The following STXBP4 variants were observed in gnomAD, a reference collection of about 807,000 sequenced individuals.
The protein encoded by STXBP4 is syntaxin-binding protein 4.
A neutral mutation model predicts 76.1 loss-of-function variants in STXBP4; 55 were observed. That is an observed-to-expected ratio of 0.72 (90% CI 0.58 to 0.91). The LOEUF (loss-of-function observed/expected upper bound fraction) is 0.91, where lower values mean the gene tolerates loss of function less well. STXBP4 is among the 40% of genes least tolerant of loss of function. STXBP4 has a pLI of 0.00. For missense variants in STXBP4, 618 were observed against 636.9 expected (o/e 0.97, Z 0.32); for synonymous variants, 201 against 220.2 (o/e 0.91, Z 0.77).
At chr17:55,125,607 T>A (rs563455113) in intron 16 of STXBP4, among the ~76,000 whole-genome samples, 1 of 152,116 alleles carries the variant, frequency 6.6e-6, no homozygotes, top group East Asian at 1.9e-4. Context: ...TTGTCCTACT[T>A]TTAGATTGTT....
At position 55,023,561 on chromosome 17, in the gene STXBP4, A is replaced by C. The variant is rs531169690; in HGVS notation, c.667-7607A>C. ...GGACAATTTGTGGTGTTGTTTTGGC[A>C]CTCAAAAAGTTTTGGATTTGGGAGC... On this transcript the variant is annotated intron_variant, in intron 8 of 17. Coordinates refer to ENST00000376352, the MANE Select transcript of STXBP4 (RefSeq NM_178509.6). 2.9e-4 allele frequency among the ~76,000 whole-genome samples: 44 copies of C among 152,292 alleles called. 1 individual carries two copies. Among genetic ancestry groups the C allele is most frequent in the Middle Eastern group, 6.8e-3 (2 of 294 alleles).
intron 17 of STXBP4, among the ~76,000 whole-genome samples, chr17:55,141,636 C>A (rs898325072): frequency 6.6e-6 from 1 of 152,058 alleles, no homozygotes; most frequent in African/African-American, 2.4e-5. Flanking sequence ...TGCCTAAATT[C>A]ACTTGCTGGC....
chr17:55,209,762 A>G, the STXBP4 span, among the ~76,000 whole-genome samples: 14 of 152,294 alleles, frequency 9.2e-5, no homozygotes, highest in African/African-American at 3.4e-4. Flanking sequence ...CCCAGGTCAC[A>G]TCATGGGCTG....
chr17:55,168,839 A>G lies in STXBP4; in HGVS notation c.*8928A>G, dbSNP rs936422768. ...CCCTGTCTTAGACATCCATTCTACA[A>G]CTCTGATGCTGGCACATTTTTTATC... On this transcript the variant is annotated 3_prime_UTR_variant, in exon 18 of 18. Transcript: ENST00000376352. The G allele has an allele frequency of 1.3e-5, 2 of 152,158 alleles. No homozygotes were observed. The highest frequency in any genetic ancestry group is 2.9e-5 in the Non-Finnish European group (2 of 68,024). 9.4% of individuals were successfully genotyped at this position (152,158 alleles called of 1,614,324 possible). A position where few individuals can be genotyped will look rare whatever the true frequency, so the allele number is the denominator to read the frequency against.
chr17:55,185,257 C>CCTT, the STXBP4 span, among the ~76,000 whole-genome samples: 123 of 53,272 alleles, frequency 2.3e-3, 4 homozygotes, highest in African/African-American at 9.1e-3. Flanking sequence ...TTCTCCTTCT[C>CCTT]CTTCTCCTTC....
At position 55,000,903 on chromosome 17, in the gene STXBP4, C is replaced by G. The variant is rs565165473; in HGVS notation, c.574+20C>G. ...ATACAGGTAAATACACATTTAATTT[C>G]TATTTCCTGTTTTTTATTTCAATTC... On this transcript the variant is annotated intron_variant, in intron 7 of 17. Transcript: ENST00000376352. 2.7e-6 allele frequency: 4 copies of G among 1,468,870 alleles called. No homozygotes were observed. Among genetic ancestry groups the G allele is most frequent in the Non-Finnish European group, 3.8e-6 (4 of 1,054,572 alleles). The allele number at this position is 1,468,870 out of a possible 1,614,324, so 91.0% of individuals were successfully genotyped here.
chr17:55,150,987 G>C (rs940675783), intron 17 of STXBP4, among the ~76,000 whole-genome samples: 10 of 152,186 alleles, frequency 6.6e-5, no homozygotes, highest in African/African-American at 2.4e-4. Flanking sequence ...GTCAGAAAGA[G>C]ATATGACAGT....
the STXBP4 span, among the ~76,000 whole-genome samples, chr17:55,207,208 C>G: frequency 6.6e-6 from 1 of 152,190 alleles, no homozygotes; most frequent in Non-Finnish European, 1.5e-5. Flanking sequence ...ACTGCTGACT[C>G]TCCCCAGGAT....
chr17:55,028,556 T>A (rs2078454740), intron 8 of STXBP4, among the ~76,000 whole-genome samples: 1 of 152,182 alleles, frequency 6.6e-6, no homozygotes, highest in Admixed American at 6.5e-5. Context: ...AGGGCTGCAG[T>A]TTTTCTTCTT....
intron 17 of STXBP4, among the ~76,000 whole-genome samples, chr17:55,148,218 G>A (rs1211263907): frequency 3.3e-5 from 5 of 152,192 alleles, no homozygotes; most frequent in Non-Finnish European, 7.4e-5. Context: ...TAGTTTGTTT[G>A]CAAGTAGGGA....
At chr17:55,186,590 C>T in the STXBP4 span, among the ~76,000 whole-genome samples, 1 of 152,136 alleles carries the variant, frequency 6.6e-6, no homozygotes, top group Non-Finnish European at 1.5e-5. Flanking sequence ...ATGGAAGTTA[C>T]AAGGCAGCTG....
intron 16 of STXBP4, among the ~76,000 whole-genome samples, chr17:55,110,192 A>T (rs1041282043): frequency 6.6e-6 from 1 of 151,826 alleles, no homozygotes; most frequent in African/African-American, 2.4e-5. Context: ...TCTGACACTG[A>T]CTCTTCTTCT....
chr17:55,075,903 A>G (rs2079176318), intron 13 of STXBP4, among the ~76,000 whole-genome samples: 1 of 152,106 alleles, frequency 6.6e-6, no homozygotes, highest in Non-Finnish European at 1.5e-5. Context: ...TTCTACCCAT[A>G]AATGTTATAA....
chr17:55,053,766 A>G (rs1026346997), intron 12 of STXBP4, among the ~76,000 whole-genome samples: 7 of 152,102 alleles, frequency 4.6e-5, no homozygotes, highest in Middle Eastern at 3.4e-3. Context: ...ATATGGCCAG[A>G]TCTTTTTACA....
At chr17:55,039,691 T>A (rs1204059543) in intron 10 of STXBP4, among the ~76,000 whole-genome samples, 1 of 151,908 alleles carries the variant, frequency 6.6e-6, no homozygotes, top group Admixed American at 6.6e-5. Flanking sequence ...ATGTCATCAG[T>A]AGGACTTGCT....
chr17:55,004,595 G>T lies in STXBP4; in HGVS notation c.575-2911G>T, dbSNP rs1336452686. Among the ~76,000 whole-genome samples, 5 of 151,934 alleles carry T rather than the reference G, an allele frequency of 3.3e-5. No homozygotes were observed. The South Asian group carries it at 1.0e-3, about 32-fold the overall frequency. On this transcript the variant is annotated intron_variant, in intron 7 of 17. Transcript: ENST00000376352. ...ATACACCTGTGGTTCCAGCTACTTG[G>T]GAATCTGAGGTGGGAGGATCGCTTG...
At chr17:55,078,011 G>A in intron 13 of STXBP4, 67 bp from the exon 14 acceptor site, 1 of 958,216 alleles carries the variant, frequency 1.0e-6, no homozygotes, top group Non-Finnish European at 1.6e-6. Flanking sequence ...CATAAAAACT[G>A]AAAATAGGGA....
intron 16 of STXBP4, among the ~76,000 whole-genome samples, chr17:55,134,186 G>A (rs2080002472): frequency 6.6e-6 from 1 of 151,902 alleles, no homozygotes; most frequent in African/African-American, 2.4e-5. Flanking sequence ...AATAGTTGGT[G>A]GATGTTATGG....
intron 11 of STXBP4, chr17:55,044,034 T>G (rs1020270356): frequency 6.2e-6 from 1 of 161,838 alleles, no homozygotes; most frequent in African/African-American, 2.4e-5. Context: ...TAAATTTTTA[T>G]TTTGTAGAGA....
Sources: allele counts gnomAD v4.1 joint callset (sites outside exome capture counted in the v4.1 genomes callset), GRCh38; gene constraint gnomAD v4.1.1; transcripts MANE v1.5; gene names NCBI Gene and HGNC (gene_info 2026-07-23, HGNC 2026-07-21).